Variants in BCAS4 observed in about 807,000 individuals in gnomAD.
BCAS4 encodes breast carcinoma amplified sequence 4.
Under a neutral mutation model 15.7 loss-of-function variants are expected in BCAS4, and 9 were observed. The observed-to-expected ratio is 0.57, with a 90% CI of 0.34 to 1.00. BCAS4 has a LOEUF of 1.00. Among genes scored for constraint, BCAS4 ranks in the 50% least tolerant of loss-of-function variants. The probability of loss-of-function intolerance (pLI) is 0.02; values close to 1 mark genes in which losing one functional copy is unlikely to be tolerated. For missense variants in BCAS4, 225 were observed against 239.1 expected (o/e 0.94, Z 0.39); for synonymous variants, 101 against 99.5 (o/e 1.02, Z -0.09).
At chr20:50,846,318 G>A (rs1295004579) in intron 4 of BCAS4, among the ~76,000 whole-genome samples, 4 of 151,960 alleles carry the variant, frequency 2.6e-5, no homozygotes, top group Non-Finnish European at 5.9e-5. Flanking sequence ...TGTGACCATG[G>A]GCAAGTCTCT....
At position 50,811,640 on chromosome 20, in the gene BCAS4, T is replaced by A. The variant is rs1414029547; in HGVS notation, c.91-6571T>A. Reference sequence around the variant, plus strand: ...TTTCCTCCCTCCCTTCCTTTTCTTTTGAGATGGAGTCTCGTTCTCTCGCCG... The same window carrying A: ...TTTCCTCCCTCCCTTCCTTTTCTTTAGAGATGGAGTCTCGTTCTCTCGCCG... On this transcript the variant is annotated intron_variant, in intron 1 of 4. Transcript: ENST00000371608. 4.6e-5 allele frequency among the ~76,000 whole-genome samples: 7 copies of A among 152,184 alleles called. No homozygotes were observed. The East Asian group carries it at 1.3e-3, about 29-fold the overall frequency.
chr20:50,797,641 G>A (rs1406523518), intron 1 of BCAS4, among the ~76,000 whole-genome samples: 1 of 152,038 alleles, frequency 6.6e-6, no homozygotes, highest in African/African-American at 2.4e-5. Flanking sequence ...AATATAATTG[G>A]AGCTACAAAT....
intron 3 of BCAS4, among the ~76,000 whole-genome samples, chr20:50,839,656 C>T (rs1256398242): frequency 6.6e-6 from 1 of 152,224 alleles, no homozygotes; most frequent in Non-Finnish European, 1.5e-5. Context: ...GCATGCACCA[C>T]CACACTCGGC....
chr20:50,834,515 G>A (rs1308514749), intron 3 of BCAS4, among the ~76,000 whole-genome samples: 1 of 151,968 alleles, frequency 6.6e-6, no homozygotes, highest in Non-Finnish European at 1.5e-5. Context: ...GGCTGGTCTC[G>A]AACTCCTGAC....
intron 2 of BCAS4, among the ~76,000 whole-genome samples, chr20:50,820,069 C>T (rs2088195120): frequency 6.6e-6 from 1 of 152,218 alleles, no homozygotes; most frequent in Admixed American, 6.5e-5. Flanking sequence ...TCTTGAACTG[C>T]TGGCCTTAAG....
At chr20:50,863,410 A>G (rs1342394903) in intron 4 of BCAS4, among the ~76,000 whole-genome samples, 3 of 151,486 alleles carry the variant, frequency 2.0e-5, no homozygotes, top group Non-Finnish European at 2.9e-5. Context: ...GGTGCGTGCC[A>G]CTATGCCTGG....
chr20:50,795,405 C>T (rs1416298340), intron 1 of BCAS4, among the ~76,000 whole-genome samples: 1 of 152,188 alleles, frequency 6.6e-6, no homozygotes, highest in Non-Finnish European at 1.5e-5. Context: ...CTTTCCCTCC[C>T]CACCCGGGTC....
chr20:50,847,290 T>G (rs1490641966), intron 4 of BCAS4, among the ~76,000 whole-genome samples: 1 of 152,056 alleles, frequency 6.6e-6, no homozygotes, highest in Non-Finnish European at 1.5e-5. Context: ...TTTCGACACA[T>G]TGGCCAAGTT....
At chr20:50,810,631 C>T (rs1185413196) in intron 1 of BCAS4, among the ~76,000 whole-genome samples, 2 of 149,672 alleles carry the variant, frequency 1.3e-5, no homozygotes, top group African/African-American at 4.9e-5. Context: ...CGCTCTGTCG[C>T]CCAGGCTGGA....
chr20:50,862,193 A>C (rs1443833550), intron 4 of BCAS4, among the ~76,000 whole-genome samples: 3 of 146,600 alleles, frequency 2.0e-5, no homozygotes, highest in Admixed American at 1.4e-4. Context: ...ACTTCCCCTC[A>C]TTTTCCCCTC....
At chr20:50,833,797 G>A (rs2123795658) in intron 3 of BCAS4, among the ~76,000 whole-genome samples, 1 of 152,318 alleles carries the variant, frequency 6.6e-6, no homozygotes, top group African/African-American at 2.4e-5. Context: ...GCCGAGGGGA[G>A]ATGTCGGCTT....
chr20:50,866,727 G>A (rs894232993), intron 4 of BCAS4, among the ~76,000 whole-genome samples: 2 of 152,106 alleles, frequency 1.3e-5, no homozygotes, highest in African/African-American at 4.8e-5. Context: ...ACACAGCTCC[G>A]GGGGTGCCTG....
rs961071700 is a variant in BCAS4 at position 50,851,846 on chromosome 20, C to G, written c.399+9946C>G. ...CCCTGGGAAGCCGCCTGGGTTCCCC[C>G]AGCCAGCCTTCCTCTGGGGTCCCCT... On this transcript the variant is annotated intron_variant, in intron 4 of 4. Transcript: ENST00000371608. The surrounding 1 kb of genome is among the most constrained non-coding windows in gnomAD (Gnocchi z 4.3). Among the ~76,000 whole-genome samples the G allele has an allele frequency of 2.0e-5, 3 of 152,272 alleles. No homozygotes were observed. Among genetic ancestry groups the G allele is most frequent in the African/African-American group, 7.2e-5 (3 of 41,470 alleles).
intron 3 of BCAS4, among the ~76,000 whole-genome samples, chr20:50,832,343 C>T (rs759527528): frequency 1.1e-4 from 16 of 151,986 alleles, no homozygotes; most frequent in Non-Finnish European, 1.6e-4. Flanking sequence ...CTGCAACCTC[C>T]GCCTCCCGGG....
At chr20:50,800,559 C>CCT (rs2087914767) in intron 1 of BCAS4, among the ~76,000 whole-genome samples, 14 of 112,628 alleles carry the variant, frequency 1.2e-4, no homozygotes, top group African/African-American at 5.2e-4. Flanking sequence ...TTGAACATCC[C>CCT]TTTTTTTTTT....
intron 1 of BCAS4, among the ~76,000 whole-genome samples, chr20:50,813,308 C>T (rs540666746): frequency 2.0e-5 from 3 of 152,308 alleles, no homozygotes; most frequent in Non-Finnish European, 2.9e-5. Context: ...GCAGCCATCC[C>T]TGTGAGTGCA....
In BCAS4 at chr20:50,805,024, A is replaced by G. The variant is rs139425159; in HGVS notation, c.90+9851A>G. On this transcript the variant is annotated intron_variant, in intron 1 of 4. Coordinates refer to ENST00000371608, the MANE Select transcript of BCAS4 (RefSeq NM_198799.4). ...GAGGATGATTTTCTGCCTGGGCTGA[A>G]TGGACCTTGCTATGCTAAGATTCTT... 3.8e-3 allele frequency among the ~76,000 whole-genome samples: 579 copies of G among 152,294 alleles called. 4 individuals carry two copies. The highest frequency in any genetic ancestry group is 0.013 in the African/African-American group (560 of 41,566).
intron 1 of BCAS4, 26 bp from the exon 2 acceptor site, chr20:50,818,185 T>A: frequency 6.2e-7 from 1 of 1,605,336 alleles, no homozygotes; most frequent in Non-Finnish European, 8.5e-7. Flanking sequence ...CACTTGCTAA[T>A]CTCCAGGATA....
intron 4 of BCAS4, among the ~76,000 whole-genome samples, chr20:50,846,346 A>G: frequency 6.6e-6 from 1 of 152,178 alleles, no homozygotes; most frequent in East Asian, 1.9e-4. Context: ...TGTAAGCCTC[A>G]GAGACAGCCA....
Sources: gnomAD v4.1 joint callset for allele counts (sites outside exome capture counted in the v4.1 genomes callset) on GRCh38, gnomAD v4.1.1 for gene constraint, Gnocchi (gnomAD v3.1) non-coding constraint, MANE v1.5 for transcripts, NCBI Gene and HGNC (gene_info 2026-07-23, HGNC 2026-07-21) for gene names.